EPB41: variants seen among roughly 807,000 people sequenced by gnomAD.
EPB41 encodes protein 4.1.
In EPB41, 65 loss-of-function variants were observed where a neutral mutation model predicts 108.0. The ratio of observed to expected loss-of-function variants is 0.60; its 90% CI spans 0.49 to 0.74. The LOEUF (loss-of-function observed/expected upper bound fraction) is 0.74. Among genes scored for constraint, EPB41 ranks in the 30% least tolerant of loss-of-function variants. EPB41 has a pLI of 0.00. For synonymous variants in EPB41, 336 were observed against 358.9 expected, an observed-to-expected ratio of 0.94 and a Z score of 0.72; for missense variants, 875 against 1,037.0, an observed-to-expected ratio of 0.84 and a Z score of 2.15.
intron 18 of EPB41, among the ~76,000 whole-genome samples, chr1:29,111,854 G>A (rs557104533): frequency 4.0e-4 from 61 of 151,242 alleles, no homozygotes; most frequent in African/African-American, 1.4e-3. Flanking sequence ...GTGCGTGCCT[G>A]TAGTCCCATC....
At chr1:29,070,488 C>G in intron 16 of EPB41, 2 of 1,232,132 alleles carry the variant, frequency 1.6e-6, no homozygotes, top group Non-Finnish European at 2.0e-6. Flanking sequence ...ATTCCAATCC[C>G]TGAGGATCAC....
At chr1:29,055,303 A>T (rs188611234) in intron 12 of EPB41, among the ~76,000 whole-genome samples, 1 of 152,306 alleles carries the variant, frequency 6.6e-6, no homozygotes, top group East Asian at 1.9e-4. Flanking sequence ...CTAACTAAAA[A>T]GTGTTGGATT....
chr1:29,115,678 C>T lies in EPB41; in HGVS notation c.2497-21C>T, dbSNP rs1472122747. On this transcript the variant is annotated intron_variant, in intron 19 of 20. Transcript: ENST00000343067. This position sits in a 1 kb window ranked among gnomAD's most constrained non-coding sequence, Gnocchi z 4.4. ...ATCAGGCTATTTTCTGCCTCATTGCCCTTGTTTCTGTCTTTTGTAGGTCCT... is the reference window on the plus strand; with the variant it reads ...ATCAGGCTATTTTCTGCCTCATTGCTCTTGTTTCTGTCTTTTGTAGGTCCT... 1 of 1,606,220 alleles carries T rather than the reference C, an allele frequency of 6.2e-7. No individual in the cohort carries two copies.
chr1:29,069,112 A>T (rs564411057), intron 16 of EPB41: 1 of 1,198,510 alleles, frequency 8.3e-7, no homozygotes, highest in South Asian at 4.3e-5. Flanking sequence ...TTCTTTCAAA[A>T]ATCATCATAA....
intron 4 of EPB41, among the ~76,000 whole-genome samples, chr1:29,008,281 A>G (rs1054156881): frequency 6.6e-6 from 1 of 151,974 alleles, no homozygotes; most frequent in East Asian, 1.9e-4. Flanking sequence ...TTAACTCTTA[A>G]TTTTTTTTCC....
chr1:29,116,578 G>A (rs1331796552), intron 20 of EPB41, among the ~76,000 whole-genome samples: 1 of 152,202 alleles, frequency 6.6e-6, no homozygotes, highest in Non-Finnish European at 1.5e-5. Flanking sequence ...GAAGCTCTGA[G>A]ACCAGAGTAG....
intron 4 of EPB41, among the ~76,000 whole-genome samples, chr1:29,005,988 A>C (rs1455013310): frequency 6.6e-6 from 1 of 152,234 alleles, no homozygotes; most frequent in Non-Finnish European, 1.5e-5. Flanking sequence ...TATGATTGAT[A>C]AAATGGACTC....
intron 1 of EPB41, among the ~76,000 whole-genome samples, chr1:28,968,071 G>A (rs1557851581): frequency 6.6e-6 from 1 of 151,842 alleles, no homozygotes. Context: ...TTAAAACTTC[G>A]TTTTTGGCCA....
At chr1:28,976,180 G>A (rs1369643884) in intron 1 of EPB41, among the ~76,000 whole-genome samples, 1 of 152,014 alleles carries the variant, frequency 6.6e-6, no homozygotes, top group Admixed American at 6.6e-5. Flanking sequence ...ATGTTTAATG[G>A]TTTCATTAAT....
chr1:28,993,178 A>T, intron 2 of EPB41, 152 bp from the exon 3 acceptor site: 1 of 634,548 alleles, frequency 1.6e-6, no homozygotes, highest in African/African-American at 1.8e-5. Flanking sequence ...GGGGGATCAT[A>T]CTATTTTTTA....
At chr1:29,111,449 G>A (rs1168940741) in intron 18 of EPB41, among the ~76,000 whole-genome samples, 2 of 151,912 alleles carry the variant, frequency 1.3e-5, no homozygotes, top group African/African-American at 4.8e-5. Flanking sequence ...GAGGTCAAGA[G>A]GTCGAGACCA....
At chr1:29,025,212 T>TCC (rs2096704203) in intron 7 of EPB41, among the ~76,000 whole-genome samples, 4 of 152,028 alleles carry the variant, frequency 2.6e-5, no homozygotes, top group Non-Finnish European at 5.9e-5. Context: ...TTGTCTATTG[T>TCC]CCCCCACTTA....
chr1:29,078,659 G>A (rs914549693), intron 16 of EPB41, among the ~76,000 whole-genome samples: 3 of 152,042 alleles, frequency 2.0e-5, no homozygotes, highest in African/African-American at 4.8e-5. Flanking sequence ...GAGGTAAGAG[G>A]ATCATTTGAA....
intron 18 of EPB41, among the ~76,000 whole-genome samples, chr1:29,111,677 A>G (rs1669221557): frequency 6.6e-6 from 1 of 151,278 alleles, no homozygotes; most frequent in Non-Finnish European, 1.5e-5. Context: ...TAAATAAATA[A>G]AAAAGATTGT....
At chr1:28,917,469 T>G (rs1174841062) in intron 1 of EPB41, among the ~76,000 whole-genome samples, 1 of 152,070 alleles carries the variant, frequency 6.6e-6, no homozygotes, top group African/African-American at 2.4e-5. Context: ...TTAGTAGAGT[T>G]GGGGTTTCAC....
intron 1 of EPB41, among the ~76,000 whole-genome samples, chr1:28,972,175 G>A (rs187497879): frequency 4.3e-4 from 66 of 152,298 alleles, no homozygotes; most frequent in Admixed American, 2.3e-3. Flanking sequence ...TGATCTGCCT[G>A]CTTAGGCTTC....
intron 1 of EPB41, among the ~76,000 whole-genome samples, chr1:28,956,733 C>T (rs2094962647): frequency 6.6e-6 from 1 of 152,136 alleles, no homozygotes; most frequent in African/African-American, 2.4e-5. Context: ...ATTTATTAAG[C>T]ACCTACTATA....
intron 17 of EPB41, among the ~76,000 whole-genome samples, chr1:29,101,519 T>C (rs1473220347): frequency 6.6e-6 from 1 of 151,918 alleles, no homozygotes; most frequent in Non-Finnish European, 1.5e-5. Context: ...GAGAGTTTAA[T>C]TAGCCAGGCG....
chr1:29,114,541 G>A (rs191275554), intron 19 of EPB41, among the ~76,000 whole-genome samples: 140 of 151,606 alleles, frequency 9.2e-4, no homozygotes, highest in Non-Finnish European at 1.5e-3. Flanking sequence ...TACTTGGGAG[G>A]CTGAGGCACA....
Sources: allele counts gnomAD v4.1 joint callset (sites outside exome capture counted in the v4.1 genomes callset), GRCh38; gene constraint gnomAD v4.1.1; non-coding constraint Gnocchi (gnomAD v3.1); transcripts MANE v1.5; gene names NCBI Gene and HGNC (gene_info 2026-07-23, HGNC 2026-07-21).